Variants in SH2D3C observed in about 807,000 individuals in gnomAD.
SH2D3C encodes the protein SH2 domain containing 3C.
In SH2D3C, 25 loss-of-function variants were observed where a neutral mutation model predicts 75.2. That is an observed-to-expected ratio of 0.33 (90% confidence interval 0.24 to 0.46). SH2D3C has a LOEUF of 0.46. Among genes scored for constraint, SH2D3C ranks in the 20% least tolerant of loss-of-function variants. The probability of loss-of-function intolerance (pLI) is 1.00; values close to 1 mark genes in which losing one functional copy is unlikely to be tolerated. For missense variants in SH2D3C, 933 were observed against 1,165.3 expected, an observed-to-expected ratio of 0.80 and a Z score of 2.90; for synonymous variants, 450 against 473.7, an observed-to-expected ratio of 0.95 and a Z score of 0.65.
chr9:127,770,896 C>G (rs938177470), intron 2 of SH2D3C, among the ~76,000 whole-genome samples: 2 of 152,184 alleles, frequency 1.3e-5, no homozygotes, highest in Admixed American at 1.3e-4. Flanking sequence ...TGGGTTTAAA[C>G]CCTGGTTCTG....
At chr9:127,742,072 A>G (rs1253190680) in intron 8 of SH2D3C, 113 bp from the exon 9 acceptor site, 4 of 1,012,550 alleles carry the variant, frequency 4.0e-6, no homozygotes, top group Middle Eastern at 3.2e-4. Context: ...AGCCAACGTG[A>G]GAGGTTGTAA....
At chr9:127,762,101 G>C in intron 2 of SH2D3C, 7 of 762,850 alleles carry the variant, frequency 9.2e-6, no homozygotes, top group Non-Finnish European at 1.0e-5. Flanking sequence ...CCCCAAGTGG[G>C]GATCAGCCCG....
rs911833801 is a variant in SH2D3C, at chr9:127,739,950, C to T, written c.2201-62G>A. ...GTAGTGCCCCACCATCCACTGCAGT[C>T]CTGGAAGCTGAGGTGCAGGAGGGAA... On this transcript the variant is annotated intron_variant, in intron 10 of 11. Coordinates refer to ENST00000314830, the MANE Select transcript of SH2D3C (RefSeq NM_170600.3). This position sits in a 1 kb window ranked among gnomAD's most constrained non-coding sequence, Gnocchi z 4.3. 2 of 1,420,008 alleles carry T rather than the reference C, an allele frequency of 1.4e-6. No homozygotes were observed. Among genetic ancestry groups the T allele is most frequent in the Non-Finnish European group, 1.9e-6 (2 of 1,060,690 alleles). The allele number at this position is 1,420,008 out of a possible 1,614,324, so 88.0% of individuals were successfully genotyped here.
At chr9:127,755,088 C>A in intron 3 of SH2D3C, 2 of 1,210,782 alleles carry the variant, frequency 1.7e-6, no homozygotes, top group Non-Finnish European at 2.1e-6. Context: ...CCTGCACCTG[C>A]ACGAAGGAGC....
intron 1 of SH2D3C, among the ~76,000 whole-genome samples, chr9:127,776,876 G>A (rs186183872): frequency 2.6e-5 from 4 of 152,270 alleles, no homozygotes; most frequent in South Asian, 2.1e-4. Context: ...GAAACGTGTC[G>A]GCAAATGTGG....
At chr9:127,771,274 C>A (rs946753005) in intron 2 of SH2D3C, 2 of 1,527,722 alleles carry the variant, frequency 1.3e-6, no homozygotes, top group South Asian at 2.5e-5. Flanking sequence ...CCTCCTAAAC[C>A]CAGCGGCTCC....
Position 127,755,725 on chromosome 9 carries a change from T to G in SH2D3C, c.556-4425A>C, listed in dbSNP as rs112110448. ...TCTGCTGGGAATCGAGGATGTTCAC[T>G]GACAAGACTCTGGGGGTGCAGAGAG... On this transcript the variant is annotated intron_variant, in intron 3 of 11. Transcript: ENST00000314830. Among the ~76,000 whole-genome samples the G allele has an allele frequency of 2.3e-4, 35 of 152,320 alleles. 2 individuals carry two copies. Among genetic ancestry groups the G allele is most frequent in the African/African-American group, 8.4e-4 (35 of 41,568 alleles).
chr9:127,740,413 G>C (rs1844820401), intron 9 of SH2D3C, 44 bp from the exon 10 acceptor site: 2 of 1,458,488 alleles, frequency 1.4e-6, no homozygotes, highest in African/African-American at 1.4e-5. Flanking sequence ...CAGAGGGCCT[G>C]CAGGGGCCAC....
In SH2D3C at chr9:127,744,825, G is replaced by A; in HGVS notation, c.1539C>T (p.Thr513=). 1 of 1,614,198 alleles carries A rather than the reference G, an allele frequency of 6.2e-7. No homozygotes were observed. The highest frequency in any genetic ancestry group is 8.5e-7 in the Non-Finnish European group (1 of 1,180,040). ...RGSREWAATE[T]SSQQARSYGE... is the part of the protein sequence containing the mutation. Reference sequence around the variant, plus strand: ...CATAGCTCCTGGCCTGCTGGCTGGAGGTCTCAGTCGCTGCCCACTCTCGGC... The same window carrying A: ...CATAGCTCCTGGCCTGCTGGCTGGAAGTCTCAGTCGCTGCCCACTCTCGGC... Residue 513 remains threonine (T), a synonymous_variant, in exon 7 of 12, where the codon ACC becomes ACT. Transcript: ENST00000314830.
At chr9:127,764,810 C>T (rs191602501) in intron 2 of SH2D3C, among the ~76,000 whole-genome samples, 2 of 152,240 alleles carry the variant, frequency 1.3e-5, no homozygotes, top group African/African-American at 2.4e-5. Context: ...CGTGTCCAAG[C>T]GATTCTCCTG....
chr9:127,752,737 TC>T (rs1355745693), intron 3 of SH2D3C, among the ~76,000 whole-genome samples: 1 of 152,020 alleles, frequency 6.6e-6, no homozygotes, highest in Non-Finnish European at 1.5e-5. Context: ...ATTGACTAGG[TC>T]CCTATCCTGG....
intron 2 of SH2D3C, chr9:127,771,248 G>A: frequency 1.3e-6 from 2 of 1,542,678 alleles, no homozygotes; most frequent in Admixed American, 2.0e-5. Context: ...CGCTGTCGCC[G>A]CCGGCAACCC....
chr9:127,742,394 G>A (rs1844890048), intron 8 of SH2D3C, among the ~76,000 whole-genome samples: 1 of 152,206 alleles, frequency 6.6e-6, no homozygotes, highest in Non-Finnish European at 1.5e-5. Context: ...GCGCCACCAC[G>A]CCCTGCTAAT....
In SH2D3C at chr9:127,749,756, G is replaced by T. The variant is rs951498489; in HGVS notation, c.685-91C>A. 3 of 781,902 alleles carry T rather than the reference G, an allele frequency of 3.8e-6. No individual in the cohort carries two copies. Among genetic ancestry groups the T allele is most frequent in the African/African-American group, 3.4e-5 (2 of 58,856 alleles). The allele number at this position is 781,902 out of a possible 1,614,324, so 48.4% of individuals were successfully genotyped here. A position where few individuals can be genotyped will look rare whatever the true frequency, so the allele number is the denominator to read the frequency against. On this transcript the variant is annotated intron_variant, in intron 4 of 11. Coordinates refer to ENST00000314830, the MANE Select transcript of SH2D3C (RefSeq NM_170600.3). This position sits in a 1 kb window ranked among gnomAD's most constrained non-coding sequence, Gnocchi z 5.9. ...GGACAGAGCAACCCAGGATTAGGGG[G>T]CACAGCAAGACCAGACCCAGGGCAT...
Position 127,754,507 on chromosome 9 carries a change from C to T in SH2D3C, c.556-3207G>A, listed in dbSNP as rs1845301280. Among the ~76,000 whole-genome samples, 1 of 152,192 alleles carries T rather than the reference C, an allele frequency of 6.6e-6. No homozygotes were observed. The highest frequency in any genetic ancestry group is 1.5e-5 in the Non-Finnish European group (1 of 68,012). On this transcript the variant is annotated intron_variant, in intron 3 of 11. Coordinates refer to ENST00000314830, the MANE Select transcript of SH2D3C (RefSeq NM_170600.3). This position sits in a 1 kb window ranked among gnomAD's most constrained non-coding sequence, Gnocchi z 4.4. ...CCTCCACCCCCTTCCGTTTAACCCT[C>T]TCACCGCCGCGGCGCCGTCCTGCAC...
intron 3 of SH2D3C, among the ~76,000 whole-genome samples, chr9:127,755,952 T>C (rs1845368191): frequency 6.6e-6 from 1 of 152,226 alleles, no homozygotes; most frequent in South Asian, 2.1e-4. Flanking sequence ...TTGCCAGGCA[T>C]GAAGTAAGCG....
chr9:127,765,612 C>G (rs1845619210), intron 2 of SH2D3C, among the ~76,000 whole-genome samples: 1 of 152,190 alleles, frequency 6.6e-6, no homozygotes, highest in South Asian at 2.1e-4. Flanking sequence ...CCTGCAGCCT[C>G]AGGGCCTTTG....
intron 2 of SH2D3C, among the ~76,000 whole-genome samples, chr9:127,769,637 C>T (rs1349932742): frequency 8.1e-5 from 9 of 111,078 alleles, no homozygotes; most frequent in Admixed American, 7.0e-4. Flanking sequence ...GCCTGGGCAA[C>T]AAGAGCAAAA....
In SH2D3C at chr9:127,774,202, AC is replaced by A. The variant is rs1050824255; in HGVS notation, c.302del (p.Gly101ValfsTer23). The A allele has an allele frequency of 1.1e-5, 18 of 1,613,348 alleles. No individual in the cohort carries two copies. The highest frequency in any genetic ancestry group is 8.5e-7 in the Non-Finnish European group (1 of 1,179,846). ...CTCCGGGTACCAAGTTGGGCTTGGG[AC>A]CCGCCTCCTGGGCCTGCCGGGCAGC... ...SQAARQAQEAGPKPNLVPGGV... is the reference protein window; with the variant it reads ...SQAARQAQEAXPKPNLVPGGV... On this transcript the variant is annotated frameshift_variant, in exon 2 of 12. Coordinates refer to ENST00000314830, the MANE Select transcript of SH2D3C (RefSeq NM_170600.3). LOFTEE classifies it high-confidence loss of function. The surrounding 1 kb of genome is among the most constrained non-coding windows in gnomAD (Gnocchi z 4.3).
Sources: allele counts gnomAD v4.1 joint callset (sites outside exome capture counted in the v4.1 genomes callset), GRCh38; gene constraint gnomAD v4.1.1; non-coding constraint Gnocchi (gnomAD v3.1); transcripts MANE v1.5; gene names NCBI Gene and HGNC (gene_info 2026-07-23, HGNC 2026-07-21).